Variants in ERC1 observed in about 807,000 individuals in gnomAD.
The protein encoded by ERC1 is RAB6 interacting protein 2.
Under a neutral mutation model 132.0 loss-of-function variants are expected in ERC1, and 56 were observed. The observed-to-expected ratio is 0.42, with a 90% CI of 0.34 to 0.53. The LOEUF (loss-of-function observed/expected upper bound fraction) is 0.53, where lower values mean the gene tolerates loss of function less well. Among genes scored for constraint, ERC1 ranks in the 20% least tolerant of loss-of-function variants. The pLI is 0.03. For synonymous variants in ERC1, 478 were observed against 476.1 expected, an observed-to-expected ratio of 1.00 and a Z score of -0.05; for missense variants, 1,202 against 1,349.9, an observed-to-expected ratio of 0.89 and a Z score of 1.72.
chr12:1,384,285 A>G (rs1047338580), intron 16 of ERC1, among the ~76,000 whole-genome samples: 2 of 152,250 alleles, frequency 1.3e-5, no homozygotes, highest in South Asian at 2.1e-4. Flanking sequence ...GATGTCTTCT[A>G]ATTTTAACAA....
At position 1,036,749 on chromosome 12, in the gene ERC1, A is replaced by G. The variant is rs1051385580; in HGVS notation, c.669+8177A>G. On this transcript the variant is annotated intron_variant, in intron 2 of 18. Transcript: ENST00000360905. ...AGTCTGATCTTAAAATTTGGGATCTATGTCTTAGATTATTGTTTTAATTTT... is the reference window on the plus strand; with the variant it reads ...AGTCTGATCTTAAAATTTGGGATCTGTGTCTTAGATTATTGTTTTAATTTT... 4.6e-5 allele frequency among the ~76,000 whole-genome samples: 7 copies of G among 152,290 alleles called. No homozygotes were observed. The East Asian group carries it at 5.8e-4, about 13-fold the overall frequency.
At chr12:1,093,261 A>T (rs1943482311) in intron 3 of ERC1, among the ~76,000 whole-genome samples, 1 of 151,782 alleles carries the variant, frequency 6.6e-6, no homozygotes, top group Non-Finnish European at 1.5e-5. Flanking sequence ...TTCTGTTTGT[A>T]CTCAAATCAC....
At chr12:1,000,558 G>A (rs1370447158) in intron 1 of ERC1, among the ~76,000 whole-genome samples, 1 of 151,058 alleles carries the variant, frequency 6.6e-6, no homozygotes, top group Non-Finnish European at 1.5e-5. Context: ...TAAATTAAGT[G>A]TCTCTGCCAT....
At chr12:1,267,751 G>A (rs2077568661) in intron 14 of ERC1, among the ~76,000 whole-genome samples, 1 of 152,172 alleles carries the variant, frequency 6.6e-6, no homozygotes, top group African/African-American at 2.4e-5. Flanking sequence ...AACAGAGTGA[G>A]ACCCTGTCTT....
At chr12:1,321,897 G>C (rs1335536855) in intron 15 of ERC1, among the ~76,000 whole-genome samples, 1 of 152,040 alleles carries the variant, frequency 6.6e-6, no homozygotes, top group Non-Finnish European at 1.5e-5. Flanking sequence ...GAACAAACGG[G>C]GATCAATGCA....
chr12:1,100,341 G>T lies in ERC1; in HGVS notation c.1087-4409G>T, dbSNP rs185941160. Reference sequence around the variant, plus strand: ...TGAGGCCAGAGAGGTAACAGGGCCGGATCATGTAGAGCCTTCTAGGTCAGC... The same window carrying T: ...TGAGGCCAGAGAGGTAACAGGGCCGTATCATGTAGAGCCTTCTAGGTCAGC... On this transcript the variant is annotated intron_variant, in intron 3 of 18. Transcript: ENST00000360905. Among the ~76,000 whole-genome samples, 353 of 152,310 alleles carry T rather than the reference G, an allele frequency of 2.3e-3. 3 individuals are homozygous for T. Among genetic ancestry groups the T allele is most frequent in the Non-Finnish European group, 3.4e-3 (234 of 68,012 alleles).
At chr12:1,076,067 A>G (rs1941286873) in intron 2 of ERC1, among the ~76,000 whole-genome samples, 1 of 152,170 alleles carries the variant, frequency 6.6e-6, no homozygotes, top group Non-Finnish European at 1.5e-5. Context: ...TAAATGCTTT[A>G]TCTGTGTTCC....
At chr12:1,074,011 C>T (rs929540993) in intron 2 of ERC1, among the ~76,000 whole-genome samples, 3 of 148,774 alleles carry the variant, frequency 2.0e-5, no homozygotes, top group Non-Finnish European at 3.0e-5. Flanking sequence ...ATTACAGGCA[C>T]GCACCACTAC....
At chr12:1,100,605 G>A (rs562492878) in intron 3 of ERC1, among the ~76,000 whole-genome samples, 1 of 152,252 alleles carries the variant, frequency 6.6e-6, no homozygotes, top group African/African-American at 2.4e-5. Flanking sequence ...TTCCTGATGA[G>A]TTGGATATAG....
At position 1,454,697 on chromosome 12, in the gene ERC1, T is replaced by A. The variant is rs145737169; in HGVS notation, c.3213+9947T>A. 4.3e-3 allele frequency among the ~76,000 whole-genome samples: 659 copies of A among 152,356 alleles called. 7 individuals carry two copies. The highest frequency in any genetic ancestry group is 0.015 in the African/African-American group (626 of 41,586). On this transcript the variant is annotated intron_variant, in intron 18 of 18. Transcript: ENST00000360905. ...ATCTCTTCTCAGCTGTATTTTTCTT[T>A]TTTCAACTACAGTGGCACAGCCACC... is the stretch of plus-strand genomic sequence containing the variant.
intron 1 of ERC1, among the ~76,000 whole-genome samples, chr12:1,007,945 T>C (rs572000020): frequency 1.3e-5 from 2 of 152,306 alleles, no homozygotes; most frequent in South Asian, 4.1e-4. Context: ...ATATAGAACA[T>C]TTCTGTTACA....
chr12:1,098,541 AAGGAG>A (rs1368135295), intron 3 of ERC1, among the ~76,000 whole-genome samples: 7 of 152,216 alleles, frequency 4.6e-5, no homozygotes, highest in Non-Finnish European at 1.0e-4. Context: ...GGAGGAGAAA[AAGGAG>A]AGCTTTGGTG....
chr12:1,074,817 T>G (rs1208830184), intron 2 of ERC1, among the ~76,000 whole-genome samples: 1 of 152,200 alleles, frequency 6.6e-6, no homozygotes, highest in Non-Finnish European at 1.5e-5. Context: ...GTGTAATTGC[T>G]CATTCATTTT....
At chr12:1,014,342 A>G (rs532050365) in intron 1 of ERC1, among the ~76,000 whole-genome samples, 1 of 151,840 alleles carries the variant, frequency 6.6e-6, no homozygotes, top group Non-Finnish European at 1.5e-5. Flanking sequence ...TGCCTGGCTA[A>G]TGTTGGTATT....
At position 1,421,138 on chromosome 12, in the gene ERC1, A is replaced by T. The variant is rs1251858304; in HGVS notation, c.3024+12891A>T. The stretch of plus-strand genomic sequence containing the variant: ...GGGAACATTTAATATTCACTCTTCT[A>T]GCTATTGAAAAATACATAACAAATT... On this transcript the variant is annotated intron_variant, in intron 17 of 18. Coordinates refer to ENST00000360905, the MANE Select transcript of ERC1 (RefSeq NM_178040.4). 2.6e-5 allele frequency among the ~76,000 whole-genome samples: 4 copies of T among 152,158 alleles called. No individual in the cohort carries two copies. The East Asian group carries it at 7.7e-4, about 29-fold the overall frequency.
chr12:1,040,400 G>A (rs1365449555), intron 2 of ERC1, among the ~76,000 whole-genome samples: 2 of 145,938 alleles, frequency 1.4e-5, no homozygotes, highest in African/African-American at 2.5e-5. Context: ...TCCGCCTCCC[G>A]AGTTCATGTC....
intron 15 of ERC1, among the ~76,000 whole-genome samples, chr12:1,368,788 C>T (rs2086897621): frequency 6.6e-6 from 1 of 152,074 alleles, no homozygotes; most frequent in Non-Finnish European, 1.5e-5. Context: ...AAAGAAAAAC[C>T]TAAAAGCTAG....
In ERC1 at chr12:1,027,944, G is replaced by C. The variant is rs1326839637; in HGVS notation, c.41G>C (p.Ser14Thr). 5 of 1,612,242 alleles carry C rather than the reference G, an allele frequency of 3.1e-6. No homozygotes were observed. In the African/African-American group the frequency reaches 5.3e-5, roughly 17 times the overall value. ...SARSVGKVEPSSQSPGRSPRL... is the reference protein window; with the variant it reads ...SARSVGKVEPTSQSPGRSPRL... The stretch of plus-strand genomic sequence containing the variant: ...CGCTCTGTTGGGAAGGTGGAGCCGA[G>C]CAGCCAGAGCCCTGGGCGTTCACCC... The change falls in exon 2 of 19, where the codon AGC becomes ACC. Residue 14 changes from serine to threonine, a missense_variant. By Grantham distance (58) the Ser-to-Thr change is moderately conservative (BLOSUM62 1). Coordinates refer to ENST00000360905, the MANE Select transcript of ERC1 (RefSeq NM_178040.4).
In ERC1 at chr12:1,419,895, A is replaced by G. The variant is rs1049767317; in HGVS notation, c.3024+11648A>G. Among the ~76,000 whole-genome samples, 2 of 151,486 alleles carry G rather than the reference A, an allele frequency of 1.3e-5. 1 individual carries two copies. Among genetic ancestry groups the G allele is most frequent in the South Asian group, 4.2e-4 (2 of 4,786 alleles). The stretch of plus-strand genomic sequence containing the variant: ...AAAAAAAAAAAGATACATTCAAAAC[A>G]TGCACTGAATATTATTTTGAAAATT... On this transcript the variant is annotated intron_variant, in intron 17 of 18. Coordinates refer to ENST00000360905, the MANE Select transcript of ERC1 (RefSeq NM_178040.4).
Sources: allele counts gnomAD v4.1 joint callset (sites outside exome capture counted in the v4.1 genomes callset), GRCh38; gene constraint gnomAD v4.1.1; transcripts MANE v1.5; gene names NCBI Gene and HGNC (gene_info 2026-07-23, HGNC 2026-07-21).